Variants in NLGN1 observed in about 807,000 individuals in gnomAD.
The protein encoded by NLGN1 is neuroligin 1.
Under a neutral mutation model 65.5 loss-of-function variants are expected in NLGN1, and 12 were observed. That is an observed-to-expected ratio of 0.18 (90% CI 0.12 to 0.30). The LOEUF is 0.30. Ranked by LOEUF, NLGN1 falls within the 10% of genes least tolerant of loss-of-function variation. NLGN1 has a pLI of 1.00. For missense variants in NLGN1, 750 were observed against 1,007.1 expected (o/e 0.74, Z 3.46); for synonymous variants, 350 against 359.5 (o/e 0.97, Z 0.30).
intron 4 of NLGN1, among the ~76,000 whole-genome samples, chr3:173,965,480 G>A (rs1714627978): frequency 6.9e-6 from 1 of 144,712 alleles, no homozygotes; most frequent in African/African-American, 2.6e-5. Flanking sequence ...ACCAGGCCCG[G>A]CTTTTTTTTT....
intron 3 of NLGN1, among the ~76,000 whole-genome samples, chr3:173,668,368 G>A (rs73880537): frequency 0.019 from 2,874 of 152,162 alleles, 101 homozygotes; most frequent in African/African-American, 0.064. Context: ...AAACCAAAAT[G>A]CGTGCATTTT....
chr3:173,941,837 A>G lies in NLGN1; in HGVS notation c.646+134005A>G, dbSNP rs77496397. Among the ~76,000 whole-genome samples the G allele has an allele frequency of 9.6e-4, 146 of 151,822 alleles. 1 individual carries two copies. The East Asian group carries it at 0.024, about 25-fold the overall frequency. On this transcript the variant is annotated intron_variant, in intron 4 of 6. Transcript: ENST00000457714. Reference sequence around the variant, plus strand: ...AATTATTTAGATTTTAGCCTTTCCCATTTTGGCCATTTCCCTATTCATCAC... The same window carrying G: ...AATTATTTAGATTTTAGCCTTTCCCGTTTTGGCCATTTCCCTATTCATCAC...
intron 4 of NLGN1, among the ~76,000 whole-genome samples, chr3:174,153,133 C>T (rs1420268518): frequency 1.3e-5 from 2 of 152,176 alleles, no homozygotes; most frequent in Non-Finnish European, 2.9e-5. Context: ...TCATAGGCTT[C>T]AAATCTTAGT....
At chr3:174,121,072 G>A (rs1287742113) in intron 4 of NLGN1, among the ~76,000 whole-genome samples, 1 of 152,188 alleles carries the variant, frequency 6.6e-6, no homozygotes, top group East Asian at 1.9e-4. Context: ...CTTAGAGCAA[G>A]GGAAATTCAA....
chr3:173,783,274 A>G (rs185734501), intron 3 of NLGN1, among the ~76,000 whole-genome samples: 44 of 152,364 alleles, frequency 2.9e-4, no homozygotes, highest in Non-Finnish European at 5.4e-4. Flanking sequence ...AAAACATTCA[A>G]AAATCCATAG....
chr3:173,396,010 A>AGT (rs1716593355), upstream of NLGN1, among the ~76,000 whole-genome samples: 1 of 151,830 alleles, frequency 6.6e-6, no homozygotes, highest in African/African-American at 2.4e-5. Flanking sequence ...AGAAGGTGGC[A>AGT]GTGTGTGTGC....
At chr3:173,473,360 A>C (rs1016444683) in intron 2 of NLGN1, among the ~76,000 whole-genome samples, 1 of 152,220 alleles carries the variant, frequency 6.6e-6, no homozygotes. Flanking sequence ...TATTTTCTCT[A>C]TGCATTTGGA....
At chr3:173,756,560 GT>G (rs1777153134) in intron 3 of NLGN1, among the ~76,000 whole-genome samples, 2 of 151,812 alleles carry the variant, frequency 1.3e-5, no homozygotes, top group African/African-American at 4.8e-5. Flanking sequence ...CCAGCTGTGT[GT>G]ACTAAAAAAG....
At chr3:173,806,990 G>A (rs1716806007) in intron 3 of NLGN1, among the ~76,000 whole-genome samples, 1 of 152,018 alleles carries the variant, frequency 6.6e-6, no homozygotes, top group African/African-American at 2.4e-5. Context: ...TCTTCCAAAG[G>A]GTAAGGAGAG....
chr3:173,513,493 T>G (rs969003607), intron 2 of NLGN1, among the ~76,000 whole-genome samples: 1 of 152,184 alleles, frequency 6.6e-6, no homozygotes, highest in African/African-American at 2.4e-5. Flanking sequence ...TCTCACCAAT[T>G]TTTGAAGCAG....
At chr3:173,399,920 T>C (rs1354338723) in intron 1 of NLGN1, 1 of 152,224 alleles carries the variant, frequency 6.6e-6, no homozygotes, top group African/African-American at 2.4e-5. Context: ...CGTATCTCTC[T>C]GGGTTTTCAT....
At chr3:173,488,168 A>G (rs1194574226) in intron 2 of NLGN1, among the ~76,000 whole-genome samples, 1 of 152,018 alleles carries the variant, frequency 6.6e-6, no homozygotes, top group Admixed American at 6.6e-5. Flanking sequence ...ATTAAACCAT[A>G]ATTATATCTT....
chr3:174,096,559 T>C (rs1376327626), intron 4 of NLGN1, among the ~76,000 whole-genome samples: 2 of 151,984 alleles, frequency 1.3e-5, no homozygotes, highest in Non-Finnish European at 2.9e-5. Context: ...AACTTTTAAA[T>C]GGGAAAGTCC....
intron 3 of NLGN1, among the ~76,000 whole-genome samples, chr3:173,737,296 G>C (rs895764751): frequency 6.6e-6 from 1 of 151,870 alleles, no homozygotes; most frequent in African/African-American, 2.4e-5. Flanking sequence ...TATTTAAGGT[G>C]TATGATTCAG....
intron 2 of NLGN1, among the ~76,000 whole-genome samples, chr3:173,541,411 G>A (rs1406193807): frequency 6.6e-6 from 1 of 151,898 alleles, no homozygotes; most frequent in African/African-American, 2.4e-5. Context: ...TGACTTGGGT[G>A]GTGCAAAAAA....
chr3:173,934,003 C>T (rs1368146069), intron 4 of NLGN1, among the ~76,000 whole-genome samples: 1 of 151,382 alleles, frequency 6.6e-6, no homozygotes, highest in Admixed American at 6.6e-5. Context: ...TGTTTCAACA[C>T]CTAAATGATA....
chr3:173,434,110 A>T (rs145602616), intron 1 of NLGN1, among the ~76,000 whole-genome samples: 95 of 152,306 alleles, frequency 6.2e-4, no homozygotes, highest in African/African-American at 2.1e-3. Flanking sequence ...ATCCTTAACT[A>T]GAAAGTGGGG....
At chr3:174,123,749 C>T (rs1400236701) in intron 4 of NLGN1, among the ~76,000 whole-genome samples, 2 of 152,208 alleles carry the variant, frequency 1.3e-5, no homozygotes, top group East Asian at 3.9e-4. Context: ...AGTGGTCATG[C>T]TTTAAAGCTC....
In NLGN1 at chr3:173,604,666, G is replaced by A. The variant is rs770240589; in HGVS notation, c.68G>A (p.Arg23Gln). Residue 23 changes from arginine to glutamine, a missense_variant, in exon 3 of 7, where the codon CGG (arginine) becomes CAG (glutamine). Coordinates refer to ENST00000457714, the Ensembl canonical transcript of NLGN1. The stretch of plus-strand genomic sequence containing the variant: ...GCAGTGATGGCATGCTTGGTACACC[G>A]GGGATTGGGTGCCCCATTGACTCTC... 3.8e-5 allele frequency: 61 copies of A among 1,613,504 alleles called. No homozygotes were observed. Among genetic ancestry groups the A allele is most frequent in the Non-Finnish European group, 4.5e-5 (53 of 1,179,708 alleles).
Sources: gnomAD v4.1 joint callset for allele counts (sites outside exome capture counted in the v4.1 genomes callset) on GRCh38, gnomAD v4.1.1 for gene constraint, MANE v1.5 for transcripts, NCBI Gene and HGNC (gene_info 2026-07-23, HGNC 2026-07-21) for gene names.